Variants in RHBDF2 observed in about 807,000 individuals in gnomAD.
The protein encoded by RHBDF2 is inactive rhomboid protein 2.
RHBDF2 carries 38 observed loss-of-function variants against 95.2 expected under a neutral mutation model. That is an observed-to-expected ratio of 0.40 (90% confidence interval 0.31 to 0.52). The LOEUF is 0.52. Among genes scored for constraint, RHBDF2 ranks in the 20% least tolerant of loss-of-function variants. The pLI is 0.56. For synonymous variants in RHBDF2, 442 were observed against 462.0 expected, an observed-to-expected ratio of 0.96 and a Z score of 0.55; for missense variants, 863 against 1,137.7, an observed-to-expected ratio of 0.76 and a Z score of 3.47.
At chr17:76,473,627 G>T (rs533947189) in intron 15 of RHBDF2, 21 bp downstream of exon 15, 2 of 1,582,070 alleles carry the variant, frequency 1.3e-6, no homozygotes, top group South Asian at 2.3e-5. Context: ...GATGGCTGAG[G>T]CCAGGGCCCA....
intron 2 of RHBDF2, among the ~76,000 whole-genome samples, chr17:76,483,355 G>A (rs1375505180): frequency 2.8e-5 from 4 of 144,968 alleles, no homozygotes; most frequent in Non-Finnish European, 4.5e-5. Flanking sequence ...GCGCGATCTC[G>A]GCTCACCGCA....
At position 76,471,759 on chromosome 17, in the gene RHBDF2, G is replaced by C. The variant is rs749347950; in HGVS notation, c.2358C>G (p.Leu786=). Residue 786 remains leucine, a synonymous_variant, in exon 19 of 19, where the codon CTC becomes CTG. Transcript: ENST00000675367. ...ILVSLLAFAG[L]FAALVLWLYI... ...ACAGCCACAGCACGAGGGCGGCGAAGAGGCCGGCAAAGGCCAGCAGTGACA... is the reference window on the plus strand; with the variant it reads ...ACAGCCACAGCACGAGGGCGGCGAACAGGCCGGCAAAGGCCAGCAGTGACA... 1.2e-6 allele frequency: 2 copies of C among 1,610,416 alleles called. No homozygotes were observed. The highest frequency in any genetic ancestry group is 2.2e-5 in the South Asian group (2 of 90,364).
chr17:76,485,183 G>A (rs931103323), intron 2 of RHBDF2, among the ~76,000 whole-genome samples: 4 of 152,210 alleles, frequency 2.6e-5, no homozygotes, highest in East Asian at 1.9e-4. Context: ...CGAGGCGGGC[G>A]GATCACCTGA....
Position 76,489,330 on chromosome 17 carries a change from T to TTG in RHBDF2, c.-219-1422_-219-1421insCA, listed in dbSNP as rs1008129063. ...CGAAACCCAGGGGCATTCCTGTTTT[T>TTG]TTTTTTTTTTTGAGATGGAGTCTCG... On this transcript the variant is annotated intron_variant, in intron 1 of 18. Coordinates refer to ENST00000675367, the MANE Select transcript of RHBDF2 (RefSeq NM_001005498.4). 4.7e-5 allele frequency among the ~76,000 whole-genome samples: 7 copies of TTG among 150,152 alleles called. 1 individual carries two copies. Among genetic ancestry groups the TTG allele is most frequent in the Non-Finnish European group, 7.4e-5 (5 of 67,236 alleles).
At chr17:76,480,528 G>A (rs572238191) in intron 3 of RHBDF2, among the ~76,000 whole-genome samples, 1 of 152,112 alleles carries the variant, frequency 6.6e-6, no homozygotes, top group Admixed American at 6.6e-5. Context: ...GGGATTACAG[G>A]CATGTGCCAC....
rs59252239 is a variant in RHBDF2, at chr17:76,471,435, C to T, written c.*198G>A. The T allele has an allele frequency of 3.9e-3, 2,352 of 606,794 alleles. 43 individuals carry two copies. Among genetic ancestry groups the T allele is most frequent in the African/African-American group, 0.039 (2,083 of 54,100 alleles). 37.6% of individuals were successfully genotyped at this position (606,794 alleles called of 1,614,324 possible). Reference sequence around the variant, plus strand: ...TTGGGTCAGGATCTCACAGGCCTCACGCCCCAGAAAAACCCCGCCTTAACC... The same window carrying T: ...TTGGGTCAGGATCTCACAGGCCTCATGCCCCAGAAAAACCCCGCCTTAACC... On this transcript the variant is annotated 3_prime_UTR_variant, in exon 19 of 19. Transcript: ENST00000675367.
intron 2 of RHBDF2, among the ~76,000 whole-genome samples, chr17:76,484,501 C>T (rs373050031): frequency 6.6e-6 from 1 of 151,970 alleles, no homozygotes. Flanking sequence ...TCACCTCCAC[C>T]ATCTCCACCT....
intron 2 of RHBDF2, among the ~76,000 whole-genome samples, chr17:76,483,439 C>T (rs2074029732): frequency 6.6e-6 from 1 of 152,140 alleles, no homozygotes; most frequent in Non-Finnish European, 1.5e-5. Flanking sequence ...GCATGCGCCA[C>T]CACGCCCAGC....
intron 1 of RHBDF2, among the ~76,000 whole-genome samples, chr17:76,492,346 G>A (rs1555619139): frequency 6.6e-6 from 1 of 152,176 alleles, no homozygotes; most frequent in South Asian, 2.1e-4. Flanking sequence ...CCAGCTGGCA[G>A]CAGCGGACCT....
intron 1 of RHBDF2, among the ~76,000 whole-genome samples, chr17:76,495,538 C>T (rs535339767): frequency 6.6e-5 from 10 of 152,204 alleles, no homozygotes; most frequent in Non-Finnish European, 1.3e-4. Flanking sequence ...GTGACTTTGT[C>T]ACCATGAACG....
At chr17:76,479,882 G>T (rs148949006) in intron 3 of RHBDF2, 28 bp from the exon 4 acceptor site, 4 of 1,610,438 alleles carry the variant, frequency 2.5e-6, no homozygotes, top group Non-Finnish European at 2.5e-6. Flanking sequence ...GAGGGCAGGC[G>T]GTGGTGTGTG....
At chr17:76,473,603 C>T (rs371381813) in intron 15 of RHBDF2, 45 bp downstream of exon 15, 31 of 1,507,110 alleles carry the variant, frequency 2.1e-5, no homozygotes, top group East Asian at 1.4e-4. Context: ...AGCCGCAGCT[C>T]GGGGGGGCAG....
rs936050914 is a variant in RHBDF2 at position 76,472,991 on chromosome 17, G to A, written c.1910+14C>T. 1.9e-6 allele frequency: 3 copies of A among 1,611,596 alleles called. No individual in the cohort carries two copies. The highest frequency in any genetic ancestry group is 1.7e-5 in the Admixed American group (1 of 60,026). On this transcript the variant is annotated intron_variant, in intron 17 of 18. Coordinates refer to ENST00000675367, the MANE Select transcript of RHBDF2 (RefSeq NM_001005498.4). ...CACAGGGGTCGGGTTCGGGGGCAGT[G>A]AGGAGCCTCTTACCCAGCATGTAGG...
chr17:76,500,528 T>C (rs1288379032), intron 1 of RHBDF2, among the ~76,000 whole-genome samples: 1 of 151,932 alleles, frequency 6.6e-6, no homozygotes, highest in Non-Finnish European at 1.5e-5. Context: ...TCTCCCCAAG[T>C]GGGGTCAGCT....
intron 7 of RHBDF2, 150 bp downstream of exon 7, chr17:76,477,507 G>A: frequency 1.8e-6 from 2 of 1,087,546 alleles, no homozygotes; most frequent in South Asian, 1.5e-5. Context: ...AAAGATGGGG[G>A]CCCAGCAGCT....
chr17:76,498,797 T>TGTGTGTGTGTGG (rs2074497717), intron 1 of RHBDF2, among the ~76,000 whole-genome samples: 1 of 143,276 alleles, frequency 7.0e-6, no homozygotes, highest in African/African-American at 2.9e-5. Context: ...AGAGTGTGTG[T>TGTGTGTGTGTGG]GTGTGTGTGT....
At chr17:76,492,719 GCAGTCCCCA>G (rs1359087302) in intron 1 of RHBDF2, among the ~76,000 whole-genome samples, 1 of 152,204 alleles carries the variant, frequency 6.6e-6, no homozygotes, top group African/African-American at 2.4e-5. Context: ...AATGAAGGGT[GCAGTCCCCA>G]CAAGCCCTGG....
At chr17:76,479,345 G>C in intron 4 of RHBDF2, 68 bp from the exon 5 acceptor site, 2 of 1,540,502 alleles carry the variant, frequency 1.3e-6, no homozygotes, top group Non-Finnish European at 1.7e-6. Context: ...GTGTGTGGAA[G>C]GGGTGATGGC....
intron 1 of RHBDF2, among the ~76,000 whole-genome samples, chr17:76,489,472 C>T (rs1598159013): frequency 6.6e-6 from 1 of 151,990 alleles, no homozygotes; most frequent in Admixed American, 6.6e-5. Flanking sequence ...TACAGACGCC[C>T]GCCACCACAC....
Sources: gnomAD v4.1 joint callset for allele counts (sites outside exome capture counted in the v4.1 genomes callset) on GRCh38, gnomAD v4.1.1 for gene constraint, MANE v1.5 for transcripts, NCBI Gene and HGNC (gene_info 2026-07-23, HGNC 2026-07-21) for gene names.